The following CPNE3 variants were observed in gnomAD, a reference collection of about 807,000 sequenced individuals.
CPNE3 encodes copine 3, also known as copine-3.
A neutral mutation model predicts 63.9 loss-of-function variants in CPNE3; 68 were observed. That is an observed-to-expected ratio of 1.06 (90% CI 0.87 to 1.30). The LOEUF is 1.30. Ranked by LOEUF, CPNE3 falls within the 50% of genes most tolerant of loss-of-function variation. The pLI is 0.00. For missense variants in CPNE3, 665 were observed against 578.1 expected (o/e 1.15, Z -1.54); for synonymous variants, 219 against 197.5 (o/e 1.11, Z -0.91).
Position 86,553,749 on chromosome 8 carries a change from GTT to G in CPNE3, c.1121-1086_1121-1085del, listed in dbSNP as rs35185836. Among the ~76,000 whole-genome samples the G allele has an allele frequency of 2.1e-3, 291 of 137,702 alleles. 3 individuals carry two copies. Among genetic ancestry groups the G allele is most frequent in the African/African-American group, 7.2e-3 (271 of 37,478 alleles). The allele number at this position is 137,702 out of a possible 152,430, so 90.3% of individuals were successfully genotyped here. A position where few individuals can be genotyped will look rare whatever the true frequency, so the allele number is the denominator to read the frequency against. The stretch of plus-strand genomic sequence containing the variant: ...AGAGACCTGTTTTGATTTACATTAA[GTT>G]TTTTTTTTTTTTTTTGTGGCAAGTA... On this transcript the variant is annotated intron_variant, in intron 14 of 16. Coordinates refer to ENST00000517490, the MANE Select transcript of CPNE3 (RefSeq NM_003909.5).
At chr8:86,532,178 G>A (rs772162159) in intron 5 of CPNE3, among the ~76,000 whole-genome samples, 1 of 152,166 alleles carries the variant, frequency 6.6e-6, no homozygotes, top group African/African-American at 2.4e-5. Flanking sequence ...GCTTCTCAGT[G>A]TTTAGGGAAC....
At chr8:86,547,985 C>T (rs916097124) in intron 11 of CPNE3, among the ~76,000 whole-genome samples, 2 of 152,144 alleles carry the variant, frequency 1.3e-5, no homozygotes, top group Non-Finnish European at 2.9e-5. Context: ...GTATACAAAC[C>T]TACAAACTAG....
rs1198105194 is a variant in CPNE3 at position 86,559,657 on chromosome 8, A to G, written c.*1247A>G. ...ATGTGCTTTTTTTTTTTAAGAGTTG[A>G]ATTTCTTTTCCTGACTTTTACCTTT... On this transcript the variant is annotated 3_prime_UTR_variant, in exon 17 of 17. Transcript: ENST00000517490. The G allele has an allele frequency of 6.6e-6, 1 of 151,964 alleles. No individual in the cohort carries two copies. The highest frequency in any genetic ancestry group is 1.9e-4 in the East Asian group (1 of 5,176). 9.4% of individuals were successfully genotyped at this position (151,964 alleles called of 1,614,324 possible). A position where few individuals can be genotyped will look rare whatever the true frequency, so the allele number is the denominator to read the frequency against.
In CPNE3 at chr8:86,548,413, T is replaced by TG. The variant is rs779442441; in HGVS notation, c.994dup (p.Val332GlyfsTer6). On this transcript the variant is annotated frameshift_variant, in exon 12 of 17. Coordinates refer to ENST00000517490, the MANE Select transcript of CPNE3 (RefSeq NM_003909.5). LOFTEE classifies it high-confidence loss of function. ...TTGACTGCTCTCTGGTCTGTGGGAC[T>TG]GGTCATTCAAGATTATGATGCGTGA... The TG allele has an allele frequency of 2.5e-6, 4 of 1,614,176 alleles. No homozygotes were observed.
At chr8:86,527,066 G>A (rs1203654917) in intron 2 of CPNE3, among the ~76,000 whole-genome samples, 2 of 152,138 alleles carry the variant, frequency 1.3e-5, no homozygotes, top group African/African-American at 4.8e-5. Context: ...ATACAGCACA[G>A]GAATCTTACT....
In CPNE3 at chr8:86,532,533, A is replaced by G; in HGVS notation, c.412A>G (p.Asn138Asp). Residue 138 changes from asparagine (N) to aspartate (D), a missense_variant, in exon 6 of 17, where the codon AAT becomes GAT. Asn to Asp is a conservative substitution (Grantham distance 23). Transcript: ENST00000517490. ...GATTTCAGCTGAAGAAATAAAAGAT[A>G]ATAGAGTGGTCTTGTTTGAAATGGA... ...ITISAEEIKD[N>D]RVVLFEMEAR... 2 of 1,612,980 alleles carry G rather than the reference A, an allele frequency of 1.2e-6. No individual in the cohort carries two copies. The highest frequency in any genetic ancestry group is 1.1e-5 in the South Asian group (1 of 90,878).
intron 2 of CPNE3, among the ~76,000 whole-genome samples, chr8:86,527,945 A>AATTTTTTTTTTTTTTT: frequency 1.2e-5 from 1 of 85,666 alleles, no homozygotes; most frequent in Non-Finnish European, 2.4e-5. Context: ...GGTAAAAAGA[A>AATTTTTTTTTTTTTTT]ATTTTTTTTT....
intron 14 of CPNE3, chr8:86,553,991 A>G (rs895683423): frequency 1.3e-5 from 2 of 152,164 alleles, no homozygotes; most frequent in African/African-American, 4.8e-5. Context: ...CTTTAATGAC[A>G]ACAGTTTATT....
chr8:86,546,829 G>T, intron 10 of CPNE3, 148 bp downstream of exon 10: 1 of 789,194 alleles, frequency 1.3e-6, no homozygotes, highest in Non-Finnish European at 1.8e-6. Context: ...CTCTGCCTCA[G>T]CCTCCCAGGT....
chr8:86,539,653 C>T (rs868822658), intron 7 of CPNE3, among the ~76,000 whole-genome samples: 11 of 147,456 alleles, frequency 7.5e-5, no homozygotes, highest in Admixed American at 2.1e-4. Flanking sequence ...ATCAATAATC[C>T]TCCGCAGTTT....
At chr8:86,546,338 T>TAATTTGCAAGGAAATTTA (rs1821050116) in intron 9 of CPNE3, among the ~76,000 whole-genome samples, 1 of 152,130 alleles carries the variant, frequency 6.6e-6, no homozygotes, top group South Asian at 2.1e-4. Flanking sequence ...GGAAATTACC[T>TAATTTGCAAGGAAATTTA]GCAGAGGTAA....
At chr8:86,533,851 CCTTT>C (rs1820739637) in intron 6 of CPNE3, among the ~76,000 whole-genome samples, 1 of 151,636 alleles carries the variant, frequency 6.6e-6, no homozygotes, top group Non-Finnish European at 1.5e-5. Flanking sequence ...TAAATTTCTT[CCTTT>C]CTTTTATTTC....
chr8:86,526,931 C>T (rs1820554657), intron 2 of CPNE3, among the ~76,000 whole-genome samples: 1 of 152,144 alleles, frequency 6.6e-6, no homozygotes, highest in Non-Finnish European at 1.5e-5. Context: ...TTGAGGACTG[C>T]TACTGTTTTT....
In CPNE3 at chr8:86,559,269, G is replaced by A. The variant is rs1279576300; in HGVS notation, c.*859G>A. The A allele has an allele frequency of 1.3e-5, 2 of 152,042 alleles. No homozygotes were observed. Among genetic ancestry groups the A allele is most frequent in the East Asian group, 1.9e-4 (1 of 5,184 alleles). 9.4% of individuals were successfully genotyped at this position (152,042 alleles called of 1,614,324 possible). A position where few individuals can be genotyped will look rare whatever the true frequency, so the allele number is the denominator to read the frequency against. On this transcript the variant is annotated 3_prime_UTR_variant, in exon 17 of 17. Transcript: ENST00000517490. ...GAGATTTGTTAAAACGGTTAGGACT[G>A]TTTTGTCCAGGAAAGATAAGAGGAC...
chr8:86,556,131 T>C lies in CPNE3; in HGVS notation c.1284T>C (p.Asp428=), dbSNP rs763671841. The C allele has an allele frequency of 5.7e-6, 5 of 872,910 alleles. No individual in the cohort carries two copies. Among genetic ancestry groups the C allele is most frequent in the Admixed American group, 3.4e-5 (2 of 59,180 alleles). The allele number at this position is 872,910 out of a possible 1,614,324, so 54.1% of individuals were successfully genotyped here. ...SQYFVLLIIT[D]GVITDLDETR... The stretch of plus-strand genomic sequence containing the variant: ...ATTTTGTGCTTTTGATTATTACTGA[T>C]GGTGTGATCACAGACCTTGATGAAA... Residue 428 remains aspartate, a synonymous_variant, in exon 16 of 17, where the codon GAT becomes GAC. Coordinates refer to ENST00000517490, the MANE Select transcript of CPNE3 (RefSeq NM_003909.5).
chr8:86,531,241 A>T lies in CPNE3; in HGVS notation c.387+12A>T. On this transcript the variant is annotated intron_variant, in intron 5 of 16. Transcript: ENST00000517490. Reference sequence around the variant, plus strand: ...AAGGGAGCATTACGGTAAAAATAAGATATTTGTCTTTTGTCTCAAAAGATT... The same window carrying T: ...AAGGGAGCATTACGGTAAAAATAAGTTATTTGTCTTTTGTCTCAAAAGATT... 9.5e-7 allele frequency: 1 copy of T among 1,056,918 alleles called. No homozygotes were observed. Among genetic ancestry groups the T allele is most frequent in the South Asian group, 1.2e-5 (1 of 80,066 alleles). 65.5% of individuals were successfully genotyped at this position (1,056,918 alleles called of 1,614,324 possible).
chr8:86,550,757 A>G (rs1026997037), intron 12 of CPNE3, among the ~76,000 whole-genome samples: 7 of 152,236 alleles, frequency 4.6e-5, no homozygotes, highest in Non-Finnish European at 7.3e-5. Flanking sequence ...GATCACTGAA[A>G]TGATACACAA....
intron 2 of CPNE3, among the ~76,000 whole-genome samples, chr8:86,521,343 G>C (rs930045733): frequency 6.6e-6 from 1 of 152,090 alleles, no homozygotes; most frequent in Non-Finnish European, 1.5e-5. Context: ...GCAAGCTTTT[G>C]TTATTCTGGT....
At chr8:86,542,472 A>G (rs1820962221) in intron 8 of CPNE3, among the ~76,000 whole-genome samples, 1 of 152,076 alleles carries the variant, frequency 6.6e-6, no homozygotes, top group African/African-American at 2.4e-5. Flanking sequence ...TCTTTCATAT[A>G]TACATATGCC....
Sources: gnomAD v4.1 joint callset for allele counts (sites outside exome capture counted in the v4.1 genomes callset) on GRCh38, gnomAD v4.1.1 for gene constraint, MANE v1.5 for transcripts, NCBI Gene and HGNC (gene_info 2026-07-23, HGNC 2026-07-21) for gene names.